Variants in FSHR observed in about 807,000 individuals in gnomAD.
The protein encoded by FSHR is follicle stimulating hormone receptor, also known as follicle-stimulating hormone receptor.
In FSHR, 46 loss-of-function variants were observed where a neutral mutation model predicts 52.1. The observed-to-expected ratio is 0.88, with a 90% CI of 0.70 to 1.13. The LOEUF (loss-of-function observed/expected upper bound fraction) is 1.13. FSHR is among the 50% of genes most tolerant of loss of function. The pLI, the probability that FSHR is intolerant of heterozygous loss-of-function variation, is 0.00. For missense variants in FSHR, 964 were observed against 834.6 expected (o/e 1.16, Z -1.91); for synonymous variants, 399 against 309.6 (o/e 1.29, Z -3.03).
intron 1 of FSHR, among the ~76,000 whole-genome samples, chr2:49,107,052 A>G (rs149739897): frequency 6.6e-6 from 1 of 152,296 alleles, no homozygotes; most frequent in African/African-American, 2.4e-5. Context: ...ACATTTCATC[A>G]TTACCTTTCA....
At chr2:48,971,708 A>G (rs926744234) in intron 8 of FSHR, among the ~76,000 whole-genome samples, 7 of 152,148 alleles carry the variant, frequency 4.6e-5, no homozygotes, top group East Asian at 1.9e-4. Flanking sequence ...AATCTCCAAC[A>G]ATGATTTTGG....
intron 1 of FSHR, among the ~76,000 whole-genome samples, chr2:49,142,784 G>A (rs1039786828): frequency 1.3e-5 from 2 of 152,102 alleles, no homozygotes; most frequent in African/African-American, 4.8e-5. Flanking sequence ...GGGGAGATAC[G>A]GATAAATGAA....
At chr2:49,109,313 G>A (rs1471875542) in intron 1 of FSHR, among the ~76,000 whole-genome samples, 2 of 152,120 alleles carry the variant, frequency 1.3e-5, no homozygotes, top group African/African-American at 4.8e-5. Context: ...GAGTTGGTGT[G>A]AAGAGCTGCC....
chr2:49,033,461 T>C (rs537266381), intron 2 of FSHR, among the ~76,000 whole-genome samples: 1 of 152,142 alleles, frequency 6.6e-6, no homozygotes, highest in East Asian at 1.9e-4. Context: ...AATCACCAAT[T>C]TGAAAGTGAG....
At chr2:49,034,466 T>C (rs902997552) in intron 2 of FSHR, among the ~76,000 whole-genome samples, 1 of 152,220 alleles carries the variant, frequency 6.6e-6, no homozygotes, top group African/African-American at 2.4e-5. Context: ...AGCTGGCATC[T>C]AGTTTTAGTT....
intron 1 of FSHR, among the ~76,000 whole-genome samples, chr2:49,115,578 T>A (rs1189501650): frequency 6.6e-6 from 1 of 152,130 alleles, no homozygotes; most frequent in South Asian, 2.1e-4. Flanking sequence ...TTTAGGTAAT[T>A]TTTTTAGTGA....
chr2:49,106,292 C>A (rs1671218536), intron 1 of FSHR, among the ~76,000 whole-genome samples: 1 of 151,988 alleles, frequency 6.6e-6, no homozygotes, highest in Admixed American at 6.6e-5. Context: ...GTGACTATAT[C>A]AGCGATGTCT....
intron 1 of FSHR, among the ~76,000 whole-genome samples, chr2:49,114,243 C>G (rs993092039): frequency 1.3e-4 from 20 of 152,182 alleles, no homozygotes; most frequent in Non-Finnish European, 5.9e-5. Flanking sequence ...GGCTTTCACA[C>G]CACAGGGCTG....
intron 9 of FSHR, among the ~76,000 whole-genome samples, chr2:48,968,079 T>C (rs1674560197): frequency 2.0e-5 from 3 of 152,342 alleles, no homozygotes; most frequent in Admixed American, 2.0e-4. Flanking sequence ...ATTACCTCAC[T>C]TTTTTAACCA....
At chr2:49,102,169 T>C (rs1220965666) in intron 1 of FSHR, among the ~76,000 whole-genome samples, 1 of 152,146 alleles carries the variant, frequency 6.6e-6, no homozygotes, top group Non-Finnish European at 1.5e-5. Context: ...TACCTTTTTA[T>C]ATTTCTGGCT....
intron 1 of FSHR, among the ~76,000 whole-genome samples, chr2:49,131,542 C>T (rs568054120): frequency 4.5e-4 from 68 of 152,256 alleles, no homozygotes; most frequent in South Asian, 4.4e-3. Context: ...GTTTATTTTA[C>T]GTCACTAAGT....
chr2:49,033,285 ATTTTTTTT>A (rs1668164971), intron 2 of FSHR, among the ~76,000 whole-genome samples: 1 of 152,032 alleles, frequency 6.6e-6, no homozygotes, highest in Non-Finnish European at 1.5e-5. Context: ...GTTGAGTGTG[ATTTTTTTT>A]CATTGCTTGC....
rs559530138 is a variant in FSHR, at chr2:48,991,880, G to GAT, written c.375-1245_375-1244dup. ...GCATGCAACCTAAAGAACACTCATT[G>GAT]ATATATATTAATCATTGTGAAGGAC... On this transcript the variant is annotated intron_variant, in intron 4 of 9. Coordinates refer to ENST00000406846, the MANE Select transcript of FSHR (RefSeq NM_000145.4). Among the ~76,000 whole-genome samples the GAT allele has an allele frequency of 3.3e-5, 5 of 152,228 alleles. No individual in the cohort carries two copies. In the South Asian group the frequency reaches 1.0e-3, roughly 32 times the overall value.
rs570782730 is a variant in FSHR at position 49,116,979 on chromosome 2, A to G, written c.152+37287T>C. Reference sequence around the variant, plus strand: ...CAATCCAGCTAGCTCTAAGAGGAAAAACCAAGCTTGGGAGAGGGAAGCATT... The same window carrying G: ...CAATCCAGCTAGCTCTAAGAGGAAAGACCAAGCTTGGGAGAGGGAAGCATT... On this transcript the variant is annotated intron_variant, in intron 1 of 9. Transcript: ENST00000406846. Among the ~76,000 whole-genome samples, 8 of 152,292 alleles carry G rather than the reference A, an allele frequency of 5.3e-5. No homozygotes were observed. The South Asian group carries it at 1.4e-3, about 28-fold the overall frequency.
At chr2:48,964,067 G>A in intron 9 of FSHR, 101 bp from the exon 10 acceptor site, 1 of 1,272,616 alleles carries the variant, frequency 7.9e-7, no homozygotes, top group Non-Finnish European at 1.1e-6. Context: ...TTCTTCCTGA[G>A]ATTTTTTTTT....
chr2:49,034,881 G>A (rs1044037685), intron 2 of FSHR, among the ~76,000 whole-genome samples: 5 of 152,176 alleles, frequency 3.3e-5, no homozygotes, highest in African/African-American at 1.2e-4. Context: ...AGGGTTAGAA[G>A]GAGGGTGGCA....
chr2:49,085,741 T>A (rs1364386789), intron 1 of FSHR, among the ~76,000 whole-genome samples: 1 of 152,036 alleles, frequency 6.6e-6, no homozygotes, highest in African/African-American at 2.4e-5. Flanking sequence ...TAGACTGGAT[T>A]AAGAAAATGT....
At chr2:48,999,193 T>C (rs1431397224) in intron 4 of FSHR, among the ~76,000 whole-genome samples, 2 of 152,182 alleles carry the variant, frequency 1.3e-5, no homozygotes, top group East Asian at 3.9e-4. Flanking sequence ...ATAATAATAA[T>C]GGTCAACATT....
intron 9 of FSHR, among the ~76,000 whole-genome samples, chr2:48,965,993 G>C (rs1479999509): frequency 1.3e-5 from 2 of 152,124 alleles, no homozygotes; most frequent in Non-Finnish European, 2.9e-5. Flanking sequence ...CTTGGGGGTG[G>C]CATAGCAGTG....
Sources: gnomAD v4.1 joint callset for allele counts (sites outside exome capture counted in the v4.1 genomes callset) on GRCh38, gnomAD v4.1.1 for gene constraint, MANE v1.5 for transcripts, NCBI Gene and HGNC (gene_info 2026-07-23, HGNC 2026-07-21) for gene names.